ITPR2: variants seen among roughly 807,000 people sequenced by gnomAD.
ITPR2 encodes inositol 1,4,5-trisphosphate-gated calcium channel ITPR2.
Under a neutral mutation model 317.1 loss-of-function variants are expected in ITPR2, and 207 were observed. That is an observed-to-expected ratio of 0.65 (90% CI 0.58 to 0.73). ITPR2 has a LOEUF of 0.73. Among genes scored for constraint, ITPR2 ranks in the 30% least tolerant of loss-of-function variants. The pLI, the probability that ITPR2 is intolerant of heterozygous loss-of-function variation, is 0.00. For synonymous variants in ITPR2, 1,156 were observed against 1,149.1 expected (o/e 1.01, Z -0.12); for missense variants, 2,613 against 3,284.0 (o/e 0.80, Z 4.99).
intron 23 of ITPR2, 72 bp from the exon 24 acceptor site, chr12:26,624,428 C>A: frequency 2.0e-6 from 2 of 1,016,342 alleles, no homozygotes; most frequent in Admixed American, 2.3e-5. Context: ...ATATTAATAT[C>A]AATTGATGTG....
At chr12:26,640,363 T>TA (rs1227415116) in intron 21 of ITPR2, among the ~76,000 whole-genome samples, 3 of 151,346 alleles carry the variant, frequency 2.0e-5, no homozygotes, top group Non-Finnish European at 2.9e-5. Context: ...TCCCAGAACT[T>TA]AAAAAAAAAT....
At chr12:26,676,206 G>A (rs1166601103) in intron 13 of ITPR2, among the ~76,000 whole-genome samples, 1 of 151,688 alleles carries the variant, frequency 6.6e-6, no homozygotes, top group African/African-American at 2.4e-5. Flanking sequence ...GCTGGGCATG[G>A]TGGCTCATAC....
intron 8 of ITPR2, among the ~76,000 whole-genome samples, chr12:26,713,765 T>C (rs2137027745): frequency 6.6e-6 from 1 of 151,476 alleles, no homozygotes; most frequent in South Asian, 2.1e-4. Context: ...CTCATCTTAT[T>C]GCTACCTCTA....
intron 37 of ITPR2, among the ~76,000 whole-genome samples, chr12:26,512,265 C>G (rs1018618128): frequency 6.6e-6 from 1 of 151,200 alleles, no homozygotes; most frequent in African/African-American, 2.4e-5. Flanking sequence ...CAGATCTTTA[C>G]CCTAAAACAA....
At chr12:26,430,163 A>G (rs1486747667) in intron 48 of ITPR2, among the ~76,000 whole-genome samples, 1 of 152,190 alleles carries the variant, frequency 6.6e-6, no homozygotes, top group African/African-American at 2.4e-5. Flanking sequence ...TAAAACAGCT[A>G]TTGCCAATGT....
chr12:26,791,131 A>G (rs73080685), intron 1 of ITPR2, among the ~76,000 whole-genome samples: 4,483 of 152,332 alleles, frequency 0.029, 97 homozygotes, highest in Non-Finnish European at 0.044. Flanking sequence ...TTATGAGAAG[A>G]CAATTTGTAG....
chr12:26,544,545 A>AT (rs1326257073), intron 37 of ITPR2, among the ~76,000 whole-genome samples: 1 of 148,746 alleles, frequency 6.7e-6, no homozygotes, highest in Admixed American at 6.8e-5. Context: ...CTATTTTTAA[A>AT]TTTTTACCAG....
rs1484269730 is a variant in ITPR2, at chr12:26,475,388, C to G, written c.6250G>C (p.Gly2084Arg). Residue 2084 changes from glycine (G) to arginine (R), a missense_variant, in exon 45 of 57, where the codon GGA becomes CGA. Coordinates refer to ENST00000381340, the MANE Select transcript of ITPR2 (RefSeq NM_002223.4). ...VDVMKNAYNQ[G>R]LECDHGDDEG... ...TCATCCCCATGGTCACATTCCAATC[C>G]TTGGTTATAGGCATTCTTCATCACA... 1.9e-6 allele frequency: 3 copies of G among 1,613,602 alleles called. No homozygotes were observed. In the South Asian group the frequency reaches 3.3e-5, roughly 18 times the overall value.
At chr12:26,497,375 C>T (rs1170935342) in intron 37 of ITPR2, among the ~76,000 whole-genome samples, 5 of 135,818 alleles carry the variant, frequency 3.7e-5, no homozygotes, top group Non-Finnish European at 6.6e-5. Context: ...AGGATGGTCT[C>T]GATCTCCTGA....
intron 55 of ITPR2, among the ~76,000 whole-genome samples, chr12:26,366,273 A>T (rs1188302482): frequency 6.6e-6 from 1 of 152,148 alleles, no homozygotes; most frequent in Non-Finnish European, 1.5e-5. Context: ...GGCTATGTGA[A>T]CTTTCACTAC....
chr12:26,549,113 G>A lies in ITPR2; in HGVS notation c.5073+1134C>T, dbSNP rs563712494. Among the ~76,000 whole-genome samples the A allele has an allele frequency of 4.6e-4, 70 of 152,278 alleles. 1 individual carries two copies. The highest frequency in any genetic ancestry group is 1.7e-3 in the African/African-American group (69 of 41,558). ...CCCACAATCTACAGCAATATTTTAA[G>A]AGAAAGACAACCAAAAGTCCCAAGG... On this transcript the variant is annotated intron_variant, in intron 37 of 56. Coordinates refer to ENST00000381340, the MANE Select transcript of ITPR2 (RefSeq NM_002223.4).
intron 55 of ITPR2, among the ~76,000 whole-genome samples, chr12:26,341,061 T>A (rs1256106808): frequency 6.6e-6 from 1 of 152,196 alleles, no homozygotes; most frequent in Non-Finnish European, 1.5e-5. Context: ...CTCTGCTCGA[T>A]TGTCTAACAT....
At chr12:26,648,902 A>G (rs778052435) in intron 21 of ITPR2, 3 of 152,172 alleles carry the variant, frequency 2.0e-5, no homozygotes, top group Non-Finnish European at 4.4e-5. Context: ...AAGAATTTAT[A>G]CAGTCTAACA....
intron 1 of ITPR2, among the ~76,000 whole-genome samples, chr12:26,818,126 A>G (rs1444256859): frequency 6.6e-6 from 1 of 152,224 alleles, no homozygotes; most frequent in African/African-American, 2.4e-5. Flanking sequence ...TATTGTTTAG[A>G]ATTTATTGGA....
At chr12:26,681,004 GAGCTCCA>G (rs1028401831) in intron 13 of ITPR2, among the ~76,000 whole-genome samples, 1 of 152,166 alleles carries the variant, frequency 6.6e-6, no homozygotes, top group African/African-American at 2.4e-5. Flanking sequence ...CTGTGTATGA[GAGCTCCA>G]ATGTCTGAAT....
chr12:26,446,732 CAAA>C (rs34601956), intron 45 of ITPR2, among the ~76,000 whole-genome samples: 1 of 122,772 alleles, frequency 8.1e-6, no homozygotes. Flanking sequence ...AAAAGGGACT[CAAA>C]AAAAAAAAAA....
chr12:26,531,464 C>T (rs972255361), intron 37 of ITPR2, among the ~76,000 whole-genome samples: 1 of 152,142 alleles, frequency 6.6e-6, no homozygotes, highest in East Asian at 1.9e-4. Flanking sequence ...TCTTAAAATG[C>T]TCCTTGATTT....
At chr12:26,609,939 T>C (rs774952971) in intron 26 of ITPR2, among the ~76,000 whole-genome samples, 10 of 152,146 alleles carry the variant, frequency 6.6e-5, no homozygotes, top group Non-Finnish European at 1.5e-4. Flanking sequence ...TCACCTTCAG[T>C]GGAATGAGCT....
At chr12:26,495,748 T>G (rs1427377965) in intron 37 of ITPR2, among the ~76,000 whole-genome samples, 1 of 152,182 alleles carries the variant, frequency 6.6e-6, no homozygotes, top group South Asian at 2.1e-4. Flanking sequence ...GAGTATCAGT[T>G]GCCTAAAGAA....
Sources: allele counts gnomAD v4.1 joint callset (sites outside exome capture counted in the v4.1 genomes callset), GRCh38; gene constraint gnomAD v4.1.1; transcripts MANE v1.5; gene names NCBI Gene and HGNC (gene_info 2026-07-23, HGNC 2026-07-21).